ADGRL2: variants seen among roughly 807,000 people sequenced by gnomAD.
ADGRL2 encodes the protein adhesion G protein-coupled receptor L2, also known as calcium-independent alpha-latrotoxin receptor 2.
Under a neutral mutation model 157.4 loss-of-function variants are expected in ADGRL2, and 44 were observed. The ratio of observed to expected loss-of-function variants is 0.28; its 90% confidence interval spans 0.22 to 0.36. The LOEUF is 0.36. Ranked by LOEUF, ADGRL2 falls within the 10% of genes least tolerant of loss-of-function variation. The pLI is 1.00. For synonymous variants in ADGRL2, 585 were observed against 624.7 expected (o/e 0.94, Z 0.95); for missense variants, 1,510 against 1,768.9 (o/e 0.85, Z 2.63).
intron 3 of ADGRL2, among the ~76,000 whole-genome samples, chr1:81,613,854 T>A (rs953593105): frequency 2.6e-5 from 4 of 152,238 alleles, no homozygotes; most frequent in Admixed American, 6.5e-5. Flanking sequence ...TTTAAGATAC[T>A]TTGCACAGAT....
chr1:81,421,218 TC>T (rs1438290694), intron 1 of ADGRL2, among the ~76,000 whole-genome samples: 3 of 152,210 alleles, frequency 2.0e-5, no homozygotes, highest in Non-Finnish European at 4.4e-5. Flanking sequence ...TTAAATTATG[TC>T]CACCTAATAC....
chr1:81,520,474 G>T (rs2079287382), intron 2 of ADGRL2, among the ~76,000 whole-genome samples: 2 of 152,120 alleles, frequency 1.3e-5, no homozygotes, highest in South Asian at 4.1e-4. Context: ...ATCTCACCTT[G>T]AATTGTAATC....
chr1:81,906,003 T>C (rs1338246228), intron 2 of ADGRL2, among the ~76,000 whole-genome samples: 1 of 151,404 alleles, frequency 6.6e-6, no homozygotes, highest in African/African-American at 2.4e-5. Context: ...TAAAAGTTTA[T>C]GAACTTGTTG....
chr1:81,915,368 C>T (rs575050597), intron 3 of ADGRL2, among the ~76,000 whole-genome samples: 73 of 152,278 alleles, frequency 4.8e-4, no homozygotes, highest in Admixed American at 3.0e-3. Context: ...TGTGAGCCAC[C>T]AGGCCTGGCT....
At chr1:81,847,003 A>C (rs2092818144) in intron 2 of ADGRL2, among the ~76,000 whole-genome samples, 2 of 146,932 alleles carry the variant, frequency 1.4e-5, no homozygotes, top group African/African-American at 2.5e-5. Flanking sequence ...TTTTTTTTAC[A>C]GTTTTCTTGT....
chr1:81,970,615 C>T (rs746932149), intron 16 of ADGRL2, 81 bp downstream of exon 16: 34 of 1,001,882 alleles, frequency 3.4e-5, no homozygotes, highest in Non-Finnish European at 4.7e-5. Context: ...GGGTCCCTGA[C>T]AGATTAAAAT....
At chr1:81,712,710 A>G in intron 1 of ADGRL2, among the ~76,000 whole-genome samples, 1 of 151,870 alleles carries the variant, frequency 6.6e-6, no homozygotes, top group Admixed American at 6.6e-5. Context: ...GCCTCAGAAA[A>G]CACACTGCCT....
intron 1 of ADGRL2, among the ~76,000 whole-genome samples, chr1:81,802,332 CG>C (rs2088339271): frequency 6.6e-6 from 1 of 151,996 alleles, no homozygotes; most frequent in Non-Finnish European, 1.5e-5. Context: ...CGCAGGGAGC[CG>C]CGGGTTAATG....
chr1:81,317,888 AT>A (rs1386645968), intron 1 of ADGRL2, among the ~76,000 whole-genome samples: 1 of 152,182 alleles, frequency 6.6e-6, no homozygotes, highest in Non-Finnish European at 1.5e-5. Context: ...GATTGTGTGT[AT>A]ATAGATGTGT....
rs140457634 is a variant in ADGRL2 at position 81,680,543 on chromosome 1, A to G, written c.-142-81268A>G. Among the ~76,000 whole-genome samples, 15 of 152,216 alleles carry G rather than the reference A, an allele frequency of 9.9e-5. 1 individual carries two copies. In the East Asian group the frequency reaches 2.9e-3, roughly 30 times the overall value. On this transcript the variant is annotated intron_variant, in intron 3 of 24. Transcript: ENST00000370721. ...GCATGCTTACACTGATGATCTCATC[A>G]GACCGATAATTAATAATCGTGAATT...
intron 3 of ADGRL2, among the ~76,000 whole-genome samples, chr1:81,688,079 C>T (rs1360589022): frequency 1.3e-5 from 2 of 152,078 alleles, no homozygotes; most frequent in African/African-American, 2.4e-5. Context: ...TTACCTGATG[C>T]TTCTGTCTCA....
intron 2 of ADGRL2, among the ~76,000 whole-genome samples, chr1:81,903,621 G>A (rs1473995169): frequency 1.3e-5 from 2 of 151,016 alleles, no homozygotes; most frequent in South Asian, 2.1e-4. Flanking sequence ...TCCATATAAA[G>A]CATTTAAGCC....
chr1:81,454,524 G>A (rs957893634), intron 2 of ADGRL2, among the ~76,000 whole-genome samples: 1 of 152,124 alleles, frequency 6.6e-6, no homozygotes, highest in Admixed American at 6.5e-5. Context: ...AGAAATACTA[G>A]AGGGCTAATT....
At chr1:81,818,244 TG>T (rs1204337685) in intron 1 of ADGRL2, among the ~76,000 whole-genome samples, 8 of 152,164 alleles carry the variant, frequency 5.3e-5, no homozygotes, top group South Asian at 2.1e-4. Flanking sequence ...ATTTCATATG[TG>T]GGTACAATCT....
chr1:81,723,054 A>T (rs1026087300), intron 1 of ADGRL2: 41 of 756,450 alleles, frequency 5.4e-5, no homozygotes, highest in Non-Finnish European at 7.2e-6. Flanking sequence ...TTGTCAGCCA[A>T]TTGGGAGTCA....
At chr1:81,931,117 C>G (rs2182601) in intron 3 of ADGRL2, among the ~76,000 whole-genome samples, 2 of 152,162 alleles carry the variant, frequency 1.3e-5, no homozygotes, top group East Asian at 3.9e-4. Context: ...CCACTGCACT[C>G]TAGCCTGGGC....
intron 2 of ADGRL2, among the ~76,000 whole-genome samples, chr1:81,466,521 C>G (rs959418804): frequency 3.3e-5 from 5 of 152,148 alleles, no homozygotes; most frequent in African/African-American, 1.2e-4. Flanking sequence ...TATGCCAGAT[C>G]TTGCTATAAC....
At chr1:81,573,678 C>T (rs957972293) in intron 2 of ADGRL2, among the ~76,000 whole-genome samples, 2 of 152,068 alleles carry the variant, frequency 1.3e-5, no homozygotes, top group African/African-American at 2.4e-5. Flanking sequence ...GGCTCTATCC[C>T]GTACAAAGTG....
chr1:81,399,800 C>T (rs1357242854), intron 1 of ADGRL2, among the ~76,000 whole-genome samples: 3 of 152,068 alleles, frequency 2.0e-5, no homozygotes, highest in African/African-American at 7.2e-5. Context: ...TTCATTGGAT[C>T]TGTAACTAGA....
Sources: gnomAD v4.1 joint callset for allele counts (sites outside exome capture counted in the v4.1 genomes callset) on GRCh38, gnomAD v4.1.1 for gene constraint, MANE v1.5 for transcripts, NCBI Gene and HGNC (gene_info 2026-07-23, HGNC 2026-07-21) for gene names.